Variants in IMPG2 observed in about 807,000 individuals in gnomAD.
IMPG2 encodes IPM 200.
A neutral mutation model predicts 129.2 loss-of-function variants in IMPG2; 91 were observed. The ratio of observed to expected loss-of-function variants is 0.70; its 90% CI spans 0.59 to 0.84. The LOEUF (loss-of-function observed/expected upper bound fraction) is 0.84. Among genes scored for constraint, IMPG2 ranks in the 40% least tolerant of loss-of-function variants. IMPG2 has a pLI of 0.00. For synonymous variants in IMPG2, 510 were observed against 517.7 expected, an observed-to-expected ratio of 0.99 and a Z score of 0.20; for missense variants, 1,430 against 1,461.7, an observed-to-expected ratio of 0.98 and a Z score of 0.35.
chr3:101,274,662 T>C (rs1197435036), intron 6 of IMPG2, among the ~76,000 whole-genome samples: 1 of 152,226 alleles, frequency 6.6e-6, no homozygotes, highest in Non-Finnish European at 1.5e-5. Context: ...TTTTGGATAT[T>C]AACGTTCCAA....
At chr3:101,320,234 A>C in intron 1 of IMPG2, 54 bp downstream of exon 1, 1 of 1,021,152 alleles carries the variant, frequency 9.8e-7, no homozygotes, top group Non-Finnish European at 1.5e-6. Context: ...CTATTTTTGA[A>C]GAACATATAC....
chr3:101,304,956 C>T (rs895796110), intron 2 of IMPG2, among the ~76,000 whole-genome samples: 2 of 151,652 alleles, frequency 1.3e-5, no homozygotes, highest in East Asian at 3.9e-4. Flanking sequence ...GAAATTATCA[C>T]TCTCAAACTA....
Position 101,319,949 on chromosome 3 carries a change from A to G in IMPG2, c.86-117T>C, listed in dbSNP as rs577420930. On this transcript the variant is annotated intron_variant, in intron 1 of 18. Transcript: ENST00000193391. ...AGATAGAGAAGCCAGTGCCCAAATC[A>G]TAGGCAGGCATGCATATCTAAGGAA... The G allele has an allele frequency of 4.8e-6, 5 of 1,031,408 alleles. No individual in the cohort carries two copies. In the African/African-American group the frequency reaches 6.4e-5, roughly 13 times the overall value. 63.9% of individuals were successfully genotyped at this position (1,031,408 alleles called of 1,614,324 possible).
At chr3:101,294,934 G>GT (rs1707063091) in intron 3 of IMPG2, among the ~76,000 whole-genome samples, 3 of 151,476 alleles carry the variant, frequency 2.0e-5, no homozygotes, top group South Asian at 2.1e-4. Context: ...TTTTTGATGG[G>GT]GTTTTTTTCT....
At chr3:101,239,432 C>A (rs1207328107) in intron 14 of IMPG2, among the ~76,000 whole-genome samples, 1 of 152,156 alleles carries the variant, frequency 6.6e-6, no homozygotes, top group African/African-American at 2.4e-5. Context: ...AGTCAGGAAA[C>A]AACAGATGCT....
At chr3:101,258,056 T>C (rs922644667) in intron 9 of IMPG2, among the ~76,000 whole-genome samples, 1 of 152,044 alleles carries the variant, frequency 6.6e-6, no homozygotes, top group African/African-American at 2.4e-5. Context: ...TTCTCACTTC[T>C]CCTATCCTCT....
chr3:101,290,775 C>T (rs1291956519), intron 4 of IMPG2, among the ~76,000 whole-genome samples: 1 of 152,136 alleles, frequency 6.6e-6, no homozygotes, highest in African/African-American at 2.4e-5. Context: ...TACACTGACT[C>T]ACCTACTTGG....
chr3:101,255,245 A>G lies in IMPG2; in HGVS notation c.1154-1464T>C, dbSNP rs1167679868. Among the ~76,000 whole-genome samples the G allele has an allele frequency of 2.0e-5, 3 of 152,150 alleles. No homozygotes were observed. In the East Asian group the frequency reaches 5.8e-4, roughly 29 times the overall value. ...TCAGAACTCTGAAGTTGGCCTGACAATAGCAATAAATTTTAGGGACAAAAT... is the reference window on the plus strand; with the variant it reads ...TCAGAACTCTGAAGTTGGCCTGACAGTAGCAATAAATTTTAGGGACAAAAT... On this transcript the variant is annotated intron_variant, in intron 10 of 18. Coordinates refer to ENST00000193391, the MANE Select transcript of IMPG2 (RefSeq NM_016247.4).
intron 6 of IMPG2, among the ~76,000 whole-genome samples, chr3:101,274,021 C>T (rs1706816964): frequency 6.6e-6 from 1 of 151,956 alleles, no homozygotes; most frequent in African/African-American, 2.4e-5. Context: ...AACTGAAACC[C>T]CATCTCTACT....
At chr3:101,232,699 C>T (rs1706302503) in intron 15 of IMPG2, 82 bp downstream of exon 15, 1 of 1,137,946 alleles carries the variant, frequency 8.8e-7, no homozygotes, top group African/African-American at 1.5e-5. Flanking sequence ...TAATAAGTAT[C>T]CTAAAATTAT....
rs751812689 is a variant in IMPG2 at position 101,244,517 on chromosome 3, G to T, written c.1814C>A (p.Ser605Tyr). ...AGTAATCAGATCTACCTTTTGCCCA[G>T]ACCCTGAACCTAAACCACCGTCAAA... The part of the protein sequence containing the change: ...LIFDGGLGSG[S>Y]GQKVDLITWP... The change falls in exon 13 of 19, where the codon TCT becomes TAT. Residue 605 changes from serine to tyrosine, a missense_variant. Coordinates refer to ENST00000193391, the MANE Select transcript of IMPG2 (RefSeq NM_016247.4). 17 of 1,606,178 alleles carry T rather than the reference G, an allele frequency of 1.1e-5. No individual in the cohort carries two copies. The African/African-American group carries it at 1.5e-4, about 14-fold the overall frequency.
chr3:101,256,217 G>GAAAGAAAGAGAACGAACA (rs1553682324), intron 10 of IMPG2, among the ~76,000 whole-genome samples: 1 of 138,170 alleles, frequency 7.2e-6, no homozygotes, highest in Non-Finnish European at 1.6e-5. Context: ...AAGAAAGAAA[G>GAAAGAAAGAGAACGAACA]AAAAAAATAT....
At chr3:101,266,289 G>C (rs1706719986) in intron 9 of IMPG2, among the ~76,000 whole-genome samples, 1 of 152,322 alleles carries the variant, frequency 6.6e-6, no homozygotes, top group East Asian at 1.9e-4. Flanking sequence ...CAACAGCCAA[G>C]ATATGGGGTC....
chr3:101,252,538 G>A (rs1706555520), intron 11 of IMPG2, among the ~76,000 whole-genome samples: 2 of 152,140 alleles, frequency 1.3e-5, no homozygotes, highest in Non-Finnish European at 1.5e-5. Flanking sequence ...TGTGTAGGCA[G>A]AGCCACACCT....
At chr3:101,316,179 GA>G (rs897516010) in intron 2 of IMPG2, among the ~76,000 whole-genome samples, 1 of 151,870 alleles carries the variant, frequency 6.6e-6, no homozygotes, top group African/African-American at 2.4e-5. Context: ...GACTGAGAAA[GA>G]AAAAACTTTG....
chr3:101,261,064 T>C (rs982661331), intron 9 of IMPG2, among the ~76,000 whole-genome samples: 4 of 152,146 alleles, frequency 2.6e-5, no homozygotes, highest in Admixed American at 2.6e-4. Context: ...TCGTATTAGC[T>C]TCATATATTT....
intron 14 of IMPG2, among the ~76,000 whole-genome samples, chr3:101,237,038 C>G (rs918194311): frequency 6.6e-6 from 1 of 152,146 alleles, no homozygotes; most frequent in Non-Finnish European, 1.5e-5. Context: ...CAGAGAGGGG[C>G]GTCCACCATT....
intron 2 of IMPG2, among the ~76,000 whole-genome samples, chr3:101,304,855 T>TAA (rs5851269): frequency 0.012 from 1,819 of 146,982 alleles, 14 homozygotes; most frequent in Non-Finnish European, 0.017. Context: ...ATATTTCTGA[T>TAA]AAAAAAAAAA....
intron 2 of IMPG2, among the ~76,000 whole-genome samples, 161 bp from the exon 3 acceptor site, chr3:101,304,473 A>T (rs929626284): frequency 6.6e-6 from 1 of 152,178 alleles, no homozygotes; most frequent in Non-Finnish European, 1.5e-5. Flanking sequence ...ATGTATGTCC[A>T]GTTTAAACTT....
Sources: gnomAD v4.1 joint callset for allele counts (sites outside exome capture counted in the v4.1 genomes callset) on GRCh38, gnomAD v4.1.1 for gene constraint, MANE v1.5 for transcripts, NCBI Gene and HGNC (gene_info 2026-07-23, HGNC 2026-07-21) for gene names.